Variants in PLAG1 observed in about 807,000 individuals in gnomAD.
The protein encoded by PLAG1 is PLAG1 zinc finger, also known as zinc finger protein PLAG1.
In PLAG1, 7 loss-of-function variants were observed where a neutral mutation model predicts 35.5. That is an observed-to-expected ratio of 0.20 (90% CI 0.11 to 0.37). The LOEUF (loss-of-function observed/expected upper bound fraction) is 0.37, where lower values mean the gene tolerates loss of function less well. Among genes scored for constraint, PLAG1 ranks in the 10% least tolerant of loss-of-function variants. The probability of loss-of-function intolerance (pLI) is 1.00; values close to 1 mark genes in which losing one functional copy is unlikely to be tolerated. For synonymous variants in PLAG1, 229 were observed against 225.4 expected (o/e 1.02, Z -0.14); for missense variants, 454 against 602.8 (o/e 0.75, Z 2.58).
At chr8:56,202,596 G>A (rs1812586554) in intron 1 of PLAG1, among the ~76,000 whole-genome samples, 1 of 152,176 alleles carries the variant, frequency 6.6e-6, no homozygotes, top group African/African-American at 2.4e-5. Flanking sequence ...GTGATCAATT[G>A]CACTTCTCCC....
At position 56,165,446 on chromosome 8, in the gene PLAG1, G is replaced by T. The variant is rs1289007440; in HGVS notation, c.*797C>A. On this transcript the variant is annotated 3_prime_UTR_variant, in exon 5 of 5. Coordinates refer to ENST00000316981, the MANE Select transcript of PLAG1 (RefSeq NM_002655.3). ...GATCTACCTATATATCGACTCTGAA[G>T]ACCCCAATGCCATACACTATTACTA... is the stretch of plus-strand genomic sequence containing the variant. The T allele has an allele frequency of 4.6e-6, 1 of 216,590 alleles. No homozygotes were observed. Among genetic ancestry groups the T allele is most frequent in the East Asian group, 6.8e-5 (1 of 14,670 alleles). 13.4% of individuals were successfully genotyped at this position (216,590 alleles called of 1,614,324 possible).
chr8:56,195,527 A>C (rs1441367761), intron 1 of PLAG1, among the ~76,000 whole-genome samples: 3 of 152,208 alleles, frequency 2.0e-5, no homozygotes, highest in Admixed American at 1.3e-4. Flanking sequence ...GCAGGGGAGA[A>C]CATGCAGAGG....
intron 1 of PLAG1, among the ~76,000 whole-genome samples, chr8:56,209,964 TAA>T (rs1316089848): frequency 1.3e-5 from 2 of 152,060 alleles, no homozygotes; most frequent in African/African-American, 2.4e-5. Context: ...CAAAGATCAT[TAA>T]AAGAGAGTTA....
intron 3 of PLAG1, among the ~76,000 whole-genome samples, chr8:56,170,230 G>T (rs776084577): frequency 6.6e-6 from 1 of 152,088 alleles, no homozygotes; most frequent in Non-Finnish European, 1.5e-5. Flanking sequence ...CTATTCAAAC[G>T]GTCTAAAAAT....
At chr8:56,175,088 G>A (rs1225006578) in intron 2 of PLAG1, among the ~76,000 whole-genome samples, 1 of 152,148 alleles carries the variant, frequency 6.6e-6, no homozygotes, top group African/African-American at 2.4e-5. Flanking sequence ...CCAACAAATT[G>A]AATAAGCTAA....
rs1193375188 is a variant in PLAG1, at chr8:56,186,049, G to C, written c.-321-6536C>G. On this transcript the variant is annotated intron_variant, in intron 1 of 4. Coordinates refer to ENST00000316981, the MANE Select transcript of PLAG1 (RefSeq NM_002655.3). ...AGAGGGAGTCACAAACTGTATGGTG[G>C]GTCTAGGTAACTTCAGGGGATTCAC... 2.0e-5 allele frequency among the ~76,000 whole-genome samples: 3 copies of C among 152,158 alleles called. No homozygotes were observed. The East Asian group carries it at 5.8e-4, about 29-fold the overall frequency.
chr8:56,195,596 G>A (rs887346964), intron 1 of PLAG1, among the ~76,000 whole-genome samples: 3 of 152,188 alleles, frequency 2.0e-5, no homozygotes, highest in African/African-American at 4.8e-5. Context: ...GAAAGCCAGC[G>A]TCCAGGGCTG....
intron 3 of PLAG1, among the ~76,000 whole-genome samples, chr8:56,169,021 A>C (rs538575975): frequency 3.5e-4 from 54 of 152,338 alleles, no homozygotes; most frequent in African/African-American, 1.3e-3. Context: ...TCATCTTCCT[A>C]ACAAATACAA....
At chr8:56,174,303 A>T (rs182091577) in intron 2 of PLAG1, among the ~76,000 whole-genome samples, 17 of 152,328 alleles carry the variant, frequency 1.1e-4, no homozygotes, top group African/African-American at 4.1e-4. Context: ...AATAATATGA[A>T]AGAATCTATT....
Position 56,164,282 on chromosome 8 carries a change from G to A in PLAG1, c.*1961C>T, listed in dbSNP as rs1811289512. ...AATATCAGGAGCCAAAGCTCCTTCA[G>A]AGAGCAACTTTGATTCTATGAAGTG... is the stretch of plus-strand genomic sequence containing the variant. On this transcript the variant is annotated 3_prime_UTR_variant, in exon 5 of 5. Coordinates refer to ENST00000316981, the MANE Select transcript of PLAG1 (RefSeq NM_002655.3). 9.3e-6 allele frequency: 2 copies of A among 216,180 alleles called. No individual in the cohort carries two copies. The highest frequency in any genetic ancestry group is 1.9e-5 in the Non-Finnish European group (2 of 107,206). 13.4% of individuals were successfully genotyped at this position (216,180 alleles called of 1,614,324 possible).
Position 56,165,470 on chromosome 8 carries a change from T to G in PLAG1, c.*773A>C, listed in dbSNP as rs549417499. 1.9e-3 allele frequency: 397 copies of G among 213,734 alleles called. No individual in the cohort carries two copies. The highest frequency in any genetic ancestry group is 2.9e-3 in the Non-Finnish European group (303 of 105,634). The allele number at this position is 213,734 out of a possible 1,614,324, so 13.2% of individuals were successfully genotyped here. On this transcript the variant is annotated 3_prime_UTR_variant, in exon 5 of 5. Coordinates refer to ENST00000316981, the MANE Select transcript of PLAG1 (RefSeq NM_002655.3). The stretch of plus-strand genomic sequence containing the variant: ...AGACCCCAATGCCATACACTATTAC[T>G]ATTATTAAATGAAAAGATAGCATGT...
At chr8:56,183,542 A>T (rs1811934394) in intron 1 of PLAG1, among the ~76,000 whole-genome samples, 1 of 152,234 alleles carries the variant, frequency 6.6e-6, no homozygotes, top group Non-Finnish European at 1.5e-5. Flanking sequence ...CCAATTTTTT[A>T]AAAGTATGCA....
chr8:56,189,172 T>A (rs1160323145), intron 1 of PLAG1, among the ~76,000 whole-genome samples: 2 of 152,218 alleles, frequency 1.3e-5, no homozygotes, highest in Admixed American at 6.5e-5. Context: ...TTCCATGCTG[T>A]TGGCCAAATG....
At position 56,168,996 on chromosome 8, in the gene PLAG1, A is replaced by G. The variant is rs1585778017; in HGVS notation, c.-117-610T>C. Among the ~76,000 whole-genome samples, 3 of 152,364 alleles carry G rather than the reference A, an allele frequency of 2.0e-5. No individual in the cohort carries two copies. The East Asian group carries it at 5.8e-4, about 29-fold the overall frequency. The stretch of plus-strand genomic sequence containing the variant: ...TCATACTCTGAGGGATTCCTGAGTC[A>G]AGAGTAGAAATGATTCATCTTCCTA... On this transcript the variant is annotated intron_variant, in intron 3 of 4. Transcript: ENST00000316981.
chr8:56,188,594 CTTTCT>C (rs570185229), intron 1 of PLAG1, among the ~76,000 whole-genome samples: 40 of 152,288 alleles, frequency 2.6e-4, no homozygotes, highest in Non-Finnish European at 5.3e-4. Context: ...GACTTGTTTG[CTTTCT>C]TTTGCTTTAA....
chr8:56,177,294 C>T (rs563191960), intron 2 of PLAG1, among the ~76,000 whole-genome samples: 1 of 152,274 alleles, frequency 6.6e-6, no homozygotes, highest in East Asian at 1.9e-4. Flanking sequence ...ATGTGCATGT[C>T]CAGGATAAAA....
chr8:56,177,285 T>C (rs987946850), intron 2 of PLAG1, among the ~76,000 whole-genome samples: 20 of 152,208 alleles, frequency 1.3e-4, no homozygotes, highest in African/African-American at 4.8e-4. Flanking sequence ...GTTATGCTCA[T>C]GTGCATGTCC....
intron 1 of PLAG1, among the ~76,000 whole-genome samples, chr8:56,184,767 A>G (rs1290242839): frequency 6.6e-6 from 1 of 152,138 alleles, no homozygotes; most frequent in Non-Finnish European, 1.5e-5. Flanking sequence ...AAATACAAAA[A>G]TTAGCCGGTT....
intron 3 of PLAG1, among the ~76,000 whole-genome samples, chr8:56,169,799 C>G (rs997913526): frequency 1.3e-5 from 2 of 152,208 alleles, no homozygotes; most frequent in African/African-American, 4.8e-5. Context: ...CAGTCTCAGC[C>G]TCTCAACATG....
Sources: allele counts gnomAD v4.1 joint callset (sites outside exome capture counted in the v4.1 genomes callset), GRCh38; gene constraint gnomAD v4.1.1; transcripts MANE v1.5; gene names NCBI Gene and HGNC (gene_info 2026-07-23, HGNC 2026-07-21).